Variants in TFEC observed in about 807,000 individuals in gnomAD.
The protein encoded by TFEC is transcription factor EC.
TFEC carries 31 observed loss-of-function variants against 41.6 expected under a neutral mutation model. The ratio of observed to expected loss-of-function variants is 0.74; its 90% CI spans 0.56 to 1.01. The LOEUF is 1.01. TFEC is among the 50% of genes least tolerant of loss of function. The pLI is 0.00. For missense variants in TFEC, 402 were observed against 404.1 expected (o/e 0.99, Z 0.04); for synonymous variants, 143 against 140.6 (o/e 1.02, Z -0.12).
In TFEC at chr7:116,069,450, A is replaced by G. The variant is rs1346321994; in HGVS notation, c.198+41258T>C. On this transcript the variant is annotated intron_variant, in intron 3 of 8. Coordinates refer to the TFEC transcript ENST00000484212. ...TATTCCTTCTTTCTGCTGATGATAA[A>G]AATGTTGAAGAGGAAAAGTTCAAAG... Among the ~76,000 whole-genome samples the G allele has an allele frequency of 3.3e-5, 5 of 151,626 alleles. No individual in the cohort carries two copies. The East Asian group carries it at 9.6e-4, about 29-fold the overall frequency.
chr7:116,103,323 G>A (rs1016652300), intron 3 of TFEC, among the ~76,000 whole-genome samples: 1 of 152,178 alleles, frequency 6.6e-6, no homozygotes, highest in Non-Finnish European at 1.5e-5. Context: ...AAGTGTAGTA[G>A]AAGATGAAAA....
At chr7:116,042,230 A>C (rs1796054953) in intron 3 of TFEC, among the ~76,000 whole-genome samples, 1 of 152,228 alleles carries the variant, frequency 6.6e-6, no homozygotes, top group Non-Finnish European at 1.5e-5. Flanking sequence ...TCTTTTCTAG[A>C]ATAGAGCCAT....
chr7:115,950,799 C>A, intron 6 of TFEC, 75 bp downstream of exon 6: 1 of 1,158,194 alleles, frequency 8.6e-7, no homozygotes, highest in South Asian at 1.5e-5. Context: ...TGGTTCTCTC[C>A]TCCCTTCTTC....
intron 3 of TFEC, among the ~76,000 whole-genome samples, chr7:116,037,384 TA>T (rs1795934712): frequency 6.6e-6 from 1 of 151,980 alleles, no homozygotes; most frequent in African/African-American, 2.4e-5. Context: ...AATTTAGAAA[TA>T]AAGTCCAAAA....
At chr7:115,995,789 C>A (rs115805878) in intron 1 of TFEC, among the ~76,000 whole-genome samples, 1 of 152,034 alleles carries the variant, frequency 6.6e-6, no homozygotes, top group Admixed American at 6.5e-5. Flanking sequence ...AAGAGTGCAG[C>A]GACTGTGGAA....
At chr7:116,005,233 T>G (rs1026670782) in intron 1 of TFEC, among the ~76,000 whole-genome samples, 11 of 152,146 alleles carry the variant, frequency 7.2e-5, no homozygotes, top group African/African-American at 1.9e-4. Context: ...GGAAGCGACT[T>G]TGGAACTGGG....
intron 3 of TFEC, among the ~76,000 whole-genome samples, chr7:115,969,596 T>C (rs1253331250): frequency 2.0e-5 from 3 of 151,934 alleles, no homozygotes; most frequent in Non-Finnish European, 4.4e-5. Context: ...CAAAGGGAAG[T>C]GCTGACTATA....
At chr7:115,959,634 C>T (rs762558469) in intron 3 of TFEC, among the ~76,000 whole-genome samples, 5 of 150,636 alleles carry the variant, frequency 3.3e-5, no homozygotes, top group Non-Finnish European at 7.4e-5. Flanking sequence ...AAATAATGAA[C>T]AGTAAACATA....
intron 3 of TFEC, among the ~76,000 whole-genome samples, chr7:115,973,597 C>T (rs1793234196): frequency 6.6e-6 from 1 of 151,964 alleles, no homozygotes; most frequent in Non-Finnish European, 1.5e-5. Context: ...AGATAATACA[C>T]TATCCCTTCA....
rs1795578174 is a variant in TFEC, at chr7:116,026,184, T to C, written c.-73+4449A>G. Among the ~76,000 whole-genome samples, 3 of 152,186 alleles carry C rather than the reference T, an allele frequency of 2.0e-5. No individual in the cohort carries two copies. The South Asian group carries it at 6.2e-4, about 31-fold the overall frequency. The stretch of plus-strand genomic sequence containing the variant: ...ACTTCATGTTATTTCACACAATGGT[T>C]CCACTTCTAATCAAAGACCCCTGAA... On this transcript the variant is annotated intron_variant, in intron 1 of 7. Coordinates refer to ENST00000265440, the MANE Select transcript of TFEC (RefSeq NM_012252.4).
chr7:116,112,093 T>C, intron 1 of TFEC: 1 of 861,464 alleles, frequency 1.2e-6, no homozygotes, highest in Non-Finnish European at 1.4e-6. Context: ...ATAATACTGT[T>C]CTTATTTGAT....
chr7:116,096,450 C>G (rs1453200095), intron 3 of TFEC, among the ~76,000 whole-genome samples: 1 of 152,148 alleles, frequency 6.6e-6, no homozygotes, highest in Non-Finnish European at 1.5e-5. Context: ...AAGGTTGGAG[C>G]AGGTGGATCC....
rs1166564210 is a variant in TFEC at position 115,968,249 on chromosome 7, A to G, written c.267+5921T>C. 5 of 1,530,280 alleles carry G rather than the reference A, an allele frequency of 3.3e-6. No individual in the cohort carries two copies. The South Asian group carries it at 3.6e-5, about 11-fold the overall frequency. 94.8% of individuals were successfully genotyped at this position (1,530,280 alleles called of 1,614,324 possible). The stretch of plus-strand genomic sequence containing the variant: ...AATGGTTTTCTCTTTCTCCTTCATC[A>G]TTTTCTTTTCCTTAAACTTGCAAAC... On this transcript the variant is annotated intron_variant, in intron 3 of 7. Transcript: ENST00000265440.
intron 3 of TFEC, among the ~76,000 whole-genome samples, chr7:116,070,040 A>C (rs2131018840): frequency 6.6e-6 from 1 of 151,606 alleles, no homozygotes; most frequent in South Asian, 2.1e-4. Flanking sequence ...ATATACATAC[A>C]TACTTAATAT....
chr7:116,150,863 A>G (rs1798746800), intron 1 of TFEC, among the ~76,000 whole-genome samples: 1 of 152,160 alleles, frequency 6.6e-6, no homozygotes, highest in Non-Finnish European at 1.5e-5. Flanking sequence ...GTTTATATTA[A>G]AATAATGCCT....
At chr7:115,971,837 A>C (rs570082695) in intron 3 of TFEC, among the ~76,000 whole-genome samples, 1 of 152,148 alleles carries the variant, frequency 6.6e-6, no homozygotes, top group South Asian at 2.1e-4. Flanking sequence ...AGCACAGAAG[A>C]AAACAGAGAC....
intron 1 of TFEC, among the ~76,000 whole-genome samples, chr7:116,152,914 A>C (rs1194766862): frequency 6.6e-6 from 1 of 152,238 alleles, no homozygotes; most frequent in Non-Finnish European, 1.5e-5. Flanking sequence ...CATTCAACAA[A>C]AACTGACCAA....
At chr7:115,966,038 C>A (rs796673896) in intron 3 of TFEC, among the ~76,000 whole-genome samples, 10 of 151,800 alleles carry the variant, frequency 6.6e-5, no homozygotes, top group African/African-American at 2.2e-4. Flanking sequence ...ACTACCACTA[C>A]CCCTCCCAGA....
intron 1 of TFEC, among the ~76,000 whole-genome samples, chr7:116,154,222 G>A (rs1041676317): frequency 6.6e-6 from 1 of 152,058 alleles, no homozygotes; most frequent in African/African-American, 2.4e-5. Flanking sequence ...TGAAATGAGA[G>A]GGTGAGATGC....
Sources: gnomAD v4.1 joint callset for allele counts (sites outside exome capture counted in the v4.1 genomes callset) on GRCh38, gnomAD v4.1.1 for gene constraint, MANE v1.5 for transcripts, NCBI Gene and HGNC (gene_info 2026-07-23, HGNC 2026-07-21) for gene names.